TBC1D31: variants seen among roughly 807,000 people sequenced by gnomAD.
The protein encoded by TBC1D31 is WD repeat domain 67.
In TBC1D31, 99 loss-of-function variants were observed where a neutral mutation model predicts 132.9. The ratio of observed to expected loss-of-function variants is 0.74; its 90% CI spans 0.63 to 0.88. The LOEUF is 0.88. TBC1D31 is among the 40% of genes least tolerant of loss of function. The pLI is 0.00. For missense variants in TBC1D31, 1,134 were observed against 1,256.6 expected (o/e 0.90, Z 1.48); for synonymous variants, 385 against 419.4 (o/e 0.92, Z 1.00).
the TBC1D31 span, among the ~76,000 whole-genome samples, chr8:123,157,229 G>A: frequency 3.3e-5 from 5 of 152,260 alleles, no homozygotes; most frequent in East Asian, 1.9e-4. Context: ...CAAAATTATT[G>A]TGCCCCGTGT....
chr8:123,143,498 G>A (rs1045357490), intron 19 of TBC1D31, among the ~76,000 whole-genome samples: 2 of 152,098 alleles, frequency 1.3e-5, no homozygotes, highest in African/African-American at 4.8e-5. Context: ...ATTATCGCAG[G>A]TACCATAGAC....
chr8:123,078,383 A>G (rs910179305), intron 2 of TBC1D31, among the ~76,000 whole-genome samples: 2 of 152,172 alleles, frequency 1.3e-5, no homozygotes, highest in African/African-American at 2.4e-5. Context: ...TTGGAATTAG[A>G]TATATCAGTT....
intron 10 of TBC1D31, among the ~76,000 whole-genome samples, chr8:123,113,452 G>T (rs906341968): frequency 3.9e-5 from 6 of 152,176 alleles, no homozygotes; most frequent in Middle Eastern, 3.4e-3. Flanking sequence ...ATATCATAGT[G>T]TAAGCTATAA....
intron 10 of TBC1D31, among the ~76,000 whole-genome samples, chr8:123,116,612 G>A (rs1422995405): frequency 2.0e-5 from 3 of 152,002 alleles, no homozygotes; most frequent in East Asian, 3.9e-4. Flanking sequence ...TCTTTCTACC[G>A]AGAAGGCCTA....
At chr8:123,115,637 C>T (rs1362083814) in intron 10 of TBC1D31, among the ~76,000 whole-genome samples, 1 of 152,156 alleles carries the variant, frequency 6.6e-6, no homozygotes, top group Non-Finnish European at 1.5e-5. Flanking sequence ...GGCCACATTC[C>T]TTTCTAGAGG....
Position 123,151,890 on chromosome 8 carries a change from C to T in TBC1D31, c.3152C>T (p.Thr1051Ile), listed in dbSNP as rs779822641. Residue 1051 changes from threonine to isoleucine, a missense_variant, in exon 22 of 22, where the codon ACT becomes ATT. Physicochemically the swap from Thr to Ile is moderately conservative, Grantham distance 89. Coordinates refer to ENST00000287380, the MANE Select transcript of TBC1D31 (RefSeq NM_145647.4). ...KKVRNLRQRLTARARHRCQTP... is the reference protein window; with the variant it reads ...KKVRNLRQRLIARARHRCQTP... ...GTGAGAAATCTTCGCCAGAGACTCA[C>T]TGCCCGGGCTCGTCACAGATGTCAA... The T allele has an allele frequency of 1.9e-6, 3 of 1,590,008 alleles. No homozygotes were observed. Among genetic ancestry groups the T allele is most frequent in the Admixed American group, 1.8e-5 (1 of 54,648 alleles).
chr8:123,130,392 A>G (rs921314702), intron 16 of TBC1D31, 59 bp downstream of exon 16: 63 of 1,450,438 alleles, frequency 4.3e-5, no homozygotes, highest in Non-Finnish European at 5.6e-5. Flanking sequence ...ACTTAAATGT[A>G]ATGAACACCT....
intron 17 of TBC1D31, among the ~76,000 whole-genome samples, chr8:123,137,561 G>A (rs148212964): frequency 1.5e-3 from 233 of 152,356 alleles, no homozygotes; most frequent in African/African-American, 5.4e-3. Context: ...AAAGATGTGC[G>A]ACAGTATGTA....
chr8:123,129,256 A>C, intron 15 of TBC1D31, 38 bp downstream of exon 15: 1 of 1,351,722 alleles, frequency 7.4e-7, no homozygotes, highest in Non-Finnish European at 9.9e-7. Context: ...CTGGACATAT[A>C]AGTTAGTTGA....
chr8:123,119,488 A>T (rs755269604), intron 10 of TBC1D31, among the ~76,000 whole-genome samples: 1 of 152,222 alleles, frequency 6.6e-6, no homozygotes, highest in Non-Finnish European at 1.5e-5. Context: ...AGGCGGGAAG[A>T]TCGCTTGAGC....
chr8:123,164,385 C>A, the TBC1D31 span, among the ~76,000 whole-genome samples: 2 of 152,132 alleles, frequency 1.3e-5, no homozygotes, highest in African/African-American at 4.8e-5. Flanking sequence ...CTTACTGTGG[C>A]AGAGGGTGCA....
chr8:123,121,331 T>C (rs77118690), intron 11 of TBC1D31, among the ~76,000 whole-genome samples: 2,090 of 152,296 alleles, frequency 0.014, 42 homozygotes, highest in African/African-American at 0.048. Flanking sequence ...TGCGTAGATT[T>C]CCAGAATTGG....
At position 123,109,304 on chromosome 8, in the gene TBC1D31, T is replaced by C. The variant is rs1329556236; in HGVS notation, c.1210-13T>C. ...GATTGTGTCATTTATTAATATTGTC[T>C]TTTTCTTTGTAGAATGAATTACCAG... is the stretch of plus-strand genomic sequence containing the variant. On this transcript the variant is annotated splice_polypyrimidine_tract_variant and intron_variant, in intron 8 of 21. Coordinates refer to ENST00000287380, the MANE Select transcript of TBC1D31 (RefSeq NM_145647.4). 2 of 1,549,116 alleles carry C rather than the reference T, an allele frequency of 1.3e-6. No homozygotes were observed. Among genetic ancestry groups the C allele is most frequent in the South Asian group, 1.1e-5 (1 of 88,084 alleles).
chr8:123,086,491 C>A (rs551848302), intron 4 of TBC1D31, among the ~76,000 whole-genome samples: 2 of 152,230 alleles, frequency 1.3e-5, no homozygotes, highest in African/African-American at 4.8e-5. Flanking sequence ...GTCAGGCCTC[C>A]CAAATCCTGG....
At chr8:123,140,019 C>T (rs902792363) in intron 17 of TBC1D31, among the ~76,000 whole-genome samples, 1 of 152,098 alleles carries the variant, frequency 6.6e-6, no homozygotes, top group Non-Finnish European at 1.5e-5. Flanking sequence ...CGTCCAACCC[C>T]CTTTTGCTTG....
chr8:123,145,865 CTT>C (rs1266944191), intron 20 of TBC1D31, among the ~76,000 whole-genome samples: 1 of 140,442 alleles, frequency 7.1e-6, no homozygotes, highest in African/African-American at 2.7e-5. Context: ...TTTTCTTTCT[CTT>C]TTTCTTTTTT....
chr8:123,082,549 T>G, intron 2 of TBC1D31, 153 bp from the exon 3 acceptor site: 1 of 601,032 alleles, frequency 1.7e-6, no homozygotes. Context: ...AACTCCTTAA[T>G]ATGGCACATA....
the TBC1D31 span, among the ~76,000 whole-genome samples, chr8:123,162,177 C>A: frequency 6.6e-6 from 1 of 151,988 alleles, no homozygotes; most frequent in Non-Finnish European, 1.5e-5. Flanking sequence ...CTACTTCCCC[C>A]CACAGAATAC....
At chr8:123,078,903 A>G (rs985414054) in intron 2 of TBC1D31, among the ~76,000 whole-genome samples, 3 of 152,258 alleles carry the variant, frequency 2.0e-5, no homozygotes, top group Non-Finnish European at 4.4e-5. Context: ...GAAGAAGCCT[A>G]GCAAACACTG....
Sources: allele counts gnomAD v4.1 joint callset (sites outside exome capture counted in the v4.1 genomes callset), GRCh38; gene constraint gnomAD v4.1.1; transcripts MANE v1.5; gene names NCBI Gene and HGNC (gene_info 2026-07-23, HGNC 2026-07-21).